ITGAV: variants seen among roughly 807,000 people sequenced by gnomAD.
ITGAV encodes the protein integrin alpha-V.
A neutral mutation model predicts 143.8 loss-of-function variants in ITGAV; 76 were observed. That is an observed-to-expected ratio of 0.53 (90% CI 0.44 to 0.64). The LOEUF is 0.64. Among genes scored for constraint, ITGAV ranks in the 30% least tolerant of loss-of-function variants. The pLI is 0.00. For synonymous variants in ITGAV, 453 were observed against 446.7 expected (o/e 1.01, Z -0.18); for missense variants, 1,193 against 1,274.7 (o/e 0.94, Z 0.98).
chr2:186,638,195 G>A (rs1687999961), intron 8 of ITGAV, 82 bp from the exon 9 acceptor site: 1 of 1,242,444 alleles, frequency 8.0e-7, no homozygotes, highest in Non-Finnish European at 1.2e-6. Context: ...AAAACTTAAA[G>A]CTTGCTGACA....
In ITGAV at chr2:186,675,600, G is replaced by T; in HGVS notation, c.2707-4G>T. The T allele has an allele frequency of 6.2e-7, 1 of 1,607,668 alleles. No individual in the cohort carries two copies. Among genetic ancestry groups the T allele is most frequent in the South Asian group, 1.1e-5 (1 of 90,860 alleles). On this transcript the variant is annotated splice_polypyrimidine_tract_variant and splice_region_variant and intron_variant, in intron 26 of 29. Transcript: ENST00000261023. ...TCTTATAAGTAAAGGATTTGTTTTGGCAGGGTTGTGGAGTTGCTCAGTGCT... is the reference window on the plus strand; with the variant it reads ...TCTTATAAGTAAAGGATTTGTTTTGTCAGGGTTGTGGAGTTGCTCAGTGCT...
At chr2:186,662,864 C>CT (rs1309080902) in intron 18 of ITGAV, among the ~76,000 whole-genome samples, 1 of 152,034 alleles carries the variant, frequency 6.6e-6, no homozygotes, top group African/African-American at 2.4e-5. Context: ...AATCATCATC[C>CT]TTTTTTTAAA....
intron 16 of ITGAV, among the ~76,000 whole-genome samples, chr2:186,655,484 T>A (rs1276003516): frequency 1.3e-5 from 2 of 152,096 alleles, no homozygotes; most frequent in Non-Finnish European, 2.9e-5. Flanking sequence ...ATGTGCTCAG[T>A]GGTTGAGAAA....
At chr2:186,658,610 A>G (rs1032249088) in intron 17 of ITGAV, among the ~76,000 whole-genome samples, 4 of 152,172 alleles carry the variant, frequency 2.6e-5, no homozygotes, top group Non-Finnish European at 5.9e-5. Context: ...CGTAGGCTAC[A>G]TGCAATAGAA....
At chr2:186,599,700 C>G (rs559247687) in intron 1 of ITGAV, among the ~76,000 whole-genome samples, 1 of 152,258 alleles carries the variant, frequency 6.6e-6, no homozygotes, top group East Asian at 1.9e-4. Flanking sequence ...AGATGGGGGT[C>G]TTACTATGTT....
intron 15 of ITGAV, among the ~76,000 whole-genome samples, chr2:186,652,667 A>T (rs781430357): frequency 1.4e-4 from 22 of 152,202 alleles, no homozygotes; most frequent in Non-Finnish European, 2.6e-4. Context: ...CAGTTCATTT[A>T]TATGTAATTC....
At chr2:186,591,317 C>T (rs1210590696) in intron 1 of ITGAV, among the ~76,000 whole-genome samples, 1 of 152,178 alleles carries the variant, frequency 6.6e-6, no homozygotes. Flanking sequence ...GGATTTATAA[C>T]AGTTATTGCC....
chr2:186,630,373 AAG>A (rs893654089), intron 4 of ITGAV, among the ~76,000 whole-genome samples: 2 of 151,728 alleles, frequency 1.3e-5, no homozygotes, highest in African/African-American at 4.8e-5. Context: ...AAAAAAAAAA[AAG>A]AATGAAATAA....
intron 29 of ITGAV, 88 bp from the exon 30 acceptor site, chr2:186,677,109 G>T (rs1689235084): frequency 7.9e-7 from 1 of 1,271,892 alleles, no homozygotes; most frequent in African/African-American, 1.5e-5. Context: ...CAATTTAAAT[G>T]TTCTTAGTGG....
rs767392026 is a variant in ITGAV, at chr2:186,590,510, C to T, written c.172C>T (p.Pro58Ser). 3 of 1,610,694 alleles carry T rather than the reference C, an allele frequency of 1.9e-6. No individual in the cohort carries two copies. In the Admixed American group the frequency reaches 5.0e-5, roughly 27 times the overall value. ...CGGCTTCGCCGTGGATTTCTTCGTG[C>T]CCAGCGCGTCTTCGTAAGTGGCCGC... The part of the protein sequence containing the change: ...YFGFAVDFFV[P>S]SASSRMFLLV... The change falls in exon 1 of 30, where the codon CCC becomes TCC. Residue 58 changes from proline (P) to serine (S), a missense_variant. Coordinates refer to ENST00000261023, the MANE Select transcript of ITGAV (RefSeq NM_002210.5).
At position 186,660,091 on chromosome 2, in the gene ITGAV, T is replaced by C. The variant is rs61763063; in HGVS notation, c.1857+916T>C. ...GTATTATACTTTCTTTGAAAGTTAA[T>C]TGTTACTTGTCACTTTATATTATGT... is the stretch of plus-strand genomic sequence containing the variant. On this transcript the variant is annotated intron_variant, in intron 18 of 29. Transcript: ENST00000261023. 7.7e-3 allele frequency among the ~76,000 whole-genome samples: 1,171 copies of C among 152,278 alleles called. 14 individuals are homozygous for C. Among genetic ancestry groups the C allele is most frequent in the African/African-American group, 0.027 (1,115 of 41,568 alleles).
intron 4 of ITGAV, among the ~76,000 whole-genome samples, chr2:186,626,073 A>G (rs1288013199): frequency 6.6e-6 from 1 of 152,188 alleles, no homozygotes; most frequent in Admixed American, 6.5e-5. Context: ...ATTATGTCTT[A>G]AAGAGCCAAA....
rs73979339 is a variant in ITGAV at position 186,675,353 on chromosome 2, C to T, written c.2707-251C>T. On this transcript the variant is annotated intron_variant, in intron 26 of 29. Coordinates refer to ENST00000261023, the MANE Select transcript of ITGAV (RefSeq NM_002210.5). ...GATCTTATCTTTCTATAACAAATCA[C>T]GATAAAACCAACCCTTTCATTTACA... 2.9e-3 allele frequency among the ~76,000 whole-genome samples: 434 copies of T among 152,110 alleles called. 3 individuals carry two copies. Among genetic ancestry groups the T allele is most frequent in the African/African-American group, 0.01 (419 of 41,484 alleles).
At chr2:186,638,631 CGT>C (rs34535817) in intron 10 of ITGAV, among the ~76,000 whole-genome samples, 166 bp downstream of exon 10, 51,671 of 144,528 alleles carry the variant, frequency 0.36, 9,197 homozygotes, top group East Asian at 0.62. Context: ...CTCTTTTGAG[CGT>C]GTGTGTGTGT....
chr2:186,672,013 G>A (rs544175855), intron 26 of ITGAV, among the ~76,000 whole-genome samples: 26 of 149,266 alleles, frequency 1.7e-4, no homozygotes, highest in Non-Finnish European at 2.2e-4. Context: ...GTCCAGTGGC[G>A]AAATCTCGGA....
At chr2:186,638,678 TA>T (rs1688019979) in intron 10 of ITGAV, among the ~76,000 whole-genome samples, 1 of 138,358 alleles carries the variant, frequency 7.2e-6, no homozygotes, top group East Asian at 2.0e-4. Flanking sequence ...GTGTAGTATA[TA>T]AACAAAAATT....
intron 15 of ITGAV, among the ~76,000 whole-genome samples, chr2:186,654,071 C>A (rs1386872446): frequency 2.6e-5 from 4 of 152,002 alleles, no homozygotes; most frequent in African/African-American, 7.2e-5. Flanking sequence ...CACAGTGGCT[C>A]ACTGTAATCC....
intron 2 of ITGAV, among the ~76,000 whole-genome samples, chr2:186,609,973 G>A (rs1317674978): frequency 1.3e-5 from 2 of 152,034 alleles, no homozygotes; most frequent in African/African-American, 4.8e-5. Context: ...TGCATATAGA[G>A]TATTATATTA....
rs1687554944 is a variant in ITGAV, at chr2:186,622,422, A to G, written c.400A>G (p.Lys134Glu). ...AGCATCTGTGAGGTCGAAACAGGAT[A>G]AAATTTTGGTGAGTCTTCTGGATAT... ...FGASVRSKQD[K>E]ILACAPLYHW... The change falls in exon 3 of 30, where the codon AAA becomes GAA. Residue 134 changes from lysine to glutamate, a missense_variant. By Grantham distance (56) the Lys-to-Glu change is moderately conservative (BLOSUM62 1). Coordinates refer to ENST00000261023, the MANE Select transcript of ITGAV (RefSeq NM_002210.5). 6.2e-7 allele frequency: 1 copy of G among 1,608,286 alleles called. No homozygotes were observed.
Sources: gnomAD v4.1 joint callset for allele counts (sites outside exome capture counted in the v4.1 genomes callset) on GRCh38, gnomAD v4.1.1 for gene constraint, MANE v1.5 for transcripts, NCBI Gene and HGNC (gene_info 2026-07-23, HGNC 2026-07-21) for gene names.